KATNIP: variants seen among roughly 807,000 people sequenced by gnomAD.
KATNIP encodes katanin interacting protein.
In KATNIP, 126 loss-of-function variants were observed where a neutral mutation model predicts 174.0. The observed-to-expected ratio is 0.72, with a 90% CI of 0.63 to 0.84. KATNIP has a LOEUF of 0.84. Ranked by LOEUF, KATNIP falls within the 40% of genes least tolerant of loss-of-function variation. The pLI, the probability that KATNIP is intolerant of heterozygous loss-of-function variation, is 0.00. For missense variants in KATNIP, 1,958 were observed against 2,109.7 expected, an observed-to-expected ratio of 0.93 and a Z score of 1.41; for synonymous variants, 810 against 835.7, an observed-to-expected ratio of 0.97 and a Z score of 0.53.
chr16:27,613,257 G>C (rs768676843), intron 2 of KATNIP, among the ~76,000 whole-genome samples: 4 of 152,132 alleles, frequency 2.6e-5, no homozygotes, highest in African/African-American at 4.8e-5. Flanking sequence ...CTGGGAGGCA[G>C]AGTGAGACCC....
intron 2 of KATNIP, among the ~76,000 whole-genome samples, chr16:27,583,953 C>G (rs1471707355): frequency 6.6e-6 from 1 of 152,066 alleles, no homozygotes; most frequent in Non-Finnish European, 1.5e-5. Context: ...GGCCAGATGG[C>G]ATGGTGGGGG....
At chr16:27,654,863 CT>C in intron 6 of KATNIP, 2 of 798,878 alleles carry the variant, frequency 2.5e-6, no homozygotes, top group Non-Finnish European at 3.6e-6. Flanking sequence ...GGCACGGTGG[CT>C]TATACCTGTA....
intron 18 of KATNIP, chr16:27,754,490 G>T (rs2081642065): frequency 3.7e-6 from 2 of 537,940 alleles, no homozygotes; most frequent in East Asian, 6.5e-5. Flanking sequence ...TCCCTGAGGG[G>T]CATTTTTGCA....
chr16:27,696,518 CA>C (rs1567311290), intron 8 of KATNIP, among the ~76,000 whole-genome samples: 1 of 152,092 alleles, frequency 6.6e-6, no homozygotes, highest in Non-Finnish European at 1.5e-5. Context: ...CAATAGACCT[CA>C]GTGTCTGTTG....
chr16:27,686,785 C>T (rs1330685401), intron 8 of KATNIP, among the ~76,000 whole-genome samples: 3 of 152,068 alleles, frequency 2.0e-5, no homozygotes, highest in Non-Finnish European at 4.4e-5. Context: ...GAGATTACAA[C>T]ATGCATTCTT....
intron 1 of KATNIP, among the ~76,000 whole-genome samples, chr16:27,559,146 C>CTTGAAACTGTTTGCA (rs1313590886): frequency 6.6e-6 from 1 of 152,228 alleles, no homozygotes; most frequent in Non-Finnish European, 1.5e-5. Flanking sequence ...CAAGGAAGAA[C>CTTGAAACTGTTTGCA]TTGAAACTGT....
At chr16:27,582,923 G>A (rs888470670) in intron 2 of KATNIP, among the ~76,000 whole-genome samples, 1 of 152,202 alleles carries the variant, frequency 6.6e-6, no homozygotes, top group Non-Finnish European at 1.5e-5. Flanking sequence ...TGCTGAGAAA[G>A]AGAAGGACAC....
intron 2 of KATNIP, among the ~76,000 whole-genome samples, chr16:27,600,813 T>C (rs1438361397): frequency 6.6e-6 from 1 of 151,032 alleles, no homozygotes; most frequent in Non-Finnish European, 1.5e-5. Context: ...TACCACAACC[T>C]CCGCCTCCCA....
intron 6 of KATNIP, among the ~76,000 whole-genome samples, chr16:27,663,869 A>C (rs1444975307): frequency 6.6e-6 from 1 of 151,712 alleles, no homozygotes; most frequent in Non-Finnish European, 1.5e-5. Context: ...TGGAATGCAG[A>C]GCATGATCAT....
chr16:27,647,506 T>TA (rs1426237743), intron 5 of KATNIP, among the ~76,000 whole-genome samples: 1 of 61,248 alleles, frequency 1.6e-5, no homozygotes. Context: ...CACACCTGGC[T>TA]AATTTTTTTT....
chr16:27,619,804 A>G (rs1364986865), intron 3 of KATNIP, among the ~76,000 whole-genome samples: 1 of 152,148 alleles, frequency 6.6e-6, no homozygotes, highest in Non-Finnish European at 1.5e-5. Context: ...AAACGCCACA[A>G]CAGTGTCCTC....
rs56379426 is a variant in KATNIP, at chr16:27,661,963, CATATAT to C, written c.540+13246_540+13251del. Reference sequence around the variant, plus strand: ...ATATATATATATATATATACACATACATATATATATATATATATATATACACATACA... The same window carrying C: ...ATATATATATATATATATACACATACATATATATATATATATACACATACA... On this transcript the variant is annotated intron_variant, in intron 6 of 27. Coordinates refer to ENST00000261588, the MANE Select transcript of KATNIP (RefSeq NM_015202.5). Among the ~76,000 whole-genome samples, 29 of 6,752 alleles carry C rather than the reference CATATAT, an allele frequency of 4.3e-3. 6 individuals carry two copies. The highest frequency in any genetic ancestry group is 0.013 in the African/African-American group (22 of 1,652). 4.4% of individuals were successfully genotyped at this position (6,752 alleles called of 152,430 possible).
chr16:27,556,820 C>T (rs2089646730), intron 1 of KATNIP, among the ~76,000 whole-genome samples: 1 of 152,166 alleles, frequency 6.6e-6, no homozygotes, highest in African/African-American at 2.4e-5. Context: ...TAAAACAAAG[C>T]AAGCATTCAG....
intron 13 of KATNIP, among the ~76,000 whole-genome samples, chr16:27,714,185 G>A (rs539957143): frequency 1.6e-4 from 25 of 151,970 alleles, no homozygotes; most frequent in African/African-American, 5.8e-4. Flanking sequence ...ATCTGGAGGA[G>A]GCCTGTTCCC....
intron 1 of KATNIP, among the ~76,000 whole-genome samples, chr16:27,555,249 G>T (rs2089568372): frequency 6.6e-6 from 1 of 152,318 alleles, no homozygotes; most frequent in African/African-American, 2.4e-5. Context: ...ATGTCTAGCA[G>T]ATGCCCTCCA....
chr16:27,720,407 A>G (rs1477423869), intron 13 of KATNIP, among the ~76,000 whole-genome samples: 1 of 151,676 alleles, frequency 6.6e-6, no homozygotes, highest in Non-Finnish European at 1.5e-5. Flanking sequence ...CTCCTCCCTA[A>G]AGCTTTAATG....
chr16:27,628,876 A>G, intron 4 of KATNIP, 46 bp downstream of exon 4: 1 of 1,594,548 alleles, frequency 6.3e-7, no homozygotes, highest in Non-Finnish European at 8.6e-7. Context: ...GTTAATCAAA[A>G]TTAATTAGGG....
intron 2 of KATNIP, among the ~76,000 whole-genome samples, chr16:27,582,128 ACTTTTCTG>A: frequency 6.6e-6 from 1 of 152,208 alleles, no homozygotes; most frequent in Non-Finnish European, 1.5e-5. Context: ...AAGACAGGTG[ACTTTTCTG>A]TGAGTTTCAG....
intron 23 of KATNIP, among the ~76,000 whole-genome samples, chr16:27,773,429 C>T (rs995011911): frequency 3.9e-5 from 6 of 152,194 alleles, no homozygotes; most frequent in Non-Finnish European, 5.9e-5. Context: ...TTCCACAAAC[C>T]AGAGTCCTGT....
Sources: allele counts gnomAD v4.1 joint callset (sites outside exome capture counted in the v4.1 genomes callset), GRCh38; gene constraint gnomAD v4.1.1; transcripts MANE v1.5; gene names NCBI Gene and HGNC (gene_info 2026-07-23, HGNC 2026-07-21).